The following MYO1E variants were observed in gnomAD, a reference collection of about 807,000 sequenced individuals.
The protein encoded by MYO1E is unconventional myosin-Ie.
Under a neutral mutation model 151.1 loss-of-function variants are expected in MYO1E, and 68 were observed. The ratio of observed to expected loss-of-function variants is 0.45; its 90% CI spans 0.37 to 0.55. MYO1E has a LOEUF of 0.55. Ranked by LOEUF, MYO1E falls within the 20% of genes least tolerant of loss-of-function variation. MYO1E has a pLI of 0.00. For missense variants in MYO1E, 1,363 were observed against 1,389.3 expected, an observed-to-expected ratio of 0.98 and a Z score of 0.30; for synonymous variants, 601 against 501.7, an observed-to-expected ratio of 1.20 and a Z score of -2.64.
intron 1 of MYO1E, among the ~76,000 whole-genome samples, chr15:59,283,303 G>A (rs1310121158): frequency 6.6e-6 from 1 of 152,084 alleles, no homozygotes; most frequent in Non-Finnish European, 1.5e-5. Context: ...CACAGTGTGT[G>A]TGTGAGGTGG....
At position 59,273,075 on chromosome 15, in the gene MYO1E, C is replaced by T. The variant is rs146231413; in HGVS notation, c.4-626G>A. 5.9e-5 allele frequency among the ~76,000 whole-genome samples: 9 copies of T among 152,334 alleles called. No homozygotes were observed. In the South Asian group the frequency reaches 1.2e-3, roughly 21 times the overall value. ...CAAAAGATAGGCTACATTTTTATGA[C>T]TGATCACTGCTCCAATAACGAGGAT... On this transcript the variant is annotated intron_variant, in intron 1 of 27. Coordinates refer to ENST00000288235, the MANE Select transcript of MYO1E (RefSeq NM_004998.4).
At chr15:59,141,549 A>G (rs2140299945) in intron 26 of MYO1E, among the ~76,000 whole-genome samples, 1 of 152,284 alleles carries the variant, frequency 6.6e-6, no homozygotes, top group South Asian at 2.1e-4. Context: ...CTATAATCCC[A>G]GCACCTTGGG....
chr15:59,264,374 G>C (rs909852704), intron 2 of MYO1E, among the ~76,000 whole-genome samples: 1 of 152,188 alleles, frequency 6.6e-6, no homozygotes, highest in Non-Finnish European at 1.5e-5. Flanking sequence ...TCAAAAGCTA[G>C]AATGTCTAAG....
intron 17 of MYO1E, among the ~76,000 whole-genome samples, chr15:59,193,946 G>A (rs568029125): frequency 1.2e-4 from 19 of 152,180 alleles, no homozygotes; most frequent in Non-Finnish European, 2.4e-4. Flanking sequence ...GGAGGCCGAG[G>A]CAGTTGGATC....
At chr15:59,343,249 T>C (rs1372477901) in intron 1 of MYO1E, among the ~76,000 whole-genome samples, 16 of 152,114 alleles carry the variant, frequency 1.1e-4, no homozygotes. Flanking sequence ...AATTTTTCCT[T>C]CATGTTTGGA....
At chr15:59,195,596 T>C in intron 16 of MYO1E, 29 bp from the exon 17 acceptor site, 3 of 1,584,726 alleles carry the variant, frequency 1.9e-6, no homozygotes, top group Non-Finnish European at 2.6e-6. Context: ...ATCAGAATCA[T>C]GGAACTTTCT....
intron 17 of MYO1E, among the ~76,000 whole-genome samples, chr15:59,193,905 G>T (rs923140819): frequency 2.0e-5 from 3 of 152,070 alleles, no homozygotes; most frequent in Admixed American, 6.6e-5. Flanking sequence ...GGTCAGGGGT[G>T]GTGGCTCACA....
chr15:59,236,400 ACAC>A (rs2080066128), intron 5 of MYO1E, among the ~76,000 whole-genome samples, 182 bp downstream of exon 5: 5 of 151,008 alleles, frequency 3.3e-5, no homozygotes, highest in African/African-American at 1.2e-4. Flanking sequence ...ACACACACAC[ACAC>A]ACACACACAC....
At chr15:59,317,490 G>C (rs1012356843) in intron 1 of MYO1E, among the ~76,000 whole-genome samples, 2 of 151,212 alleles carry the variant, frequency 1.3e-5, no homozygotes, top group African/African-American at 4.9e-5. Flanking sequence ...GCAGCAACAA[G>C]AGACCTCCAT....
At chr15:59,283,439 T>TAAG (rs1256388179) in intron 1 of MYO1E, among the ~76,000 whole-genome samples, 2 of 152,126 alleles carry the variant, frequency 1.3e-5, no homozygotes, top group African/African-American at 4.8e-5. Flanking sequence ...ATCATCTTGC[T>TAAG]AAGAAGCCTG....
chr15:59,147,811 G>A (rs2079451066), intron 26 of MYO1E, among the ~76,000 whole-genome samples: 1 of 151,940 alleles, frequency 6.6e-6, no homozygotes, highest in African/African-American at 2.4e-5. Context: ...TGTGTGTTGG[G>A]GGCGGGCGTC....
intron 1 of MYO1E, among the ~76,000 whole-genome samples, chr15:59,352,435 A>G (rs2080828340): frequency 6.6e-6 from 1 of 152,264 alleles, no homozygotes; most frequent in African/African-American, 2.4e-5. Flanking sequence ...GAAGTTCTGC[A>G]TTTCTAATAA....
chr15:59,342,438 C>T (rs1403226518), intron 1 of MYO1E, among the ~76,000 whole-genome samples: 1 of 152,084 alleles, frequency 6.6e-6, no homozygotes, highest in African/African-American at 2.4e-5. Context: ...TGGAGTCTTC[C>T]CAATGTTTTC....
At chr15:59,246,793 G>C (rs1050012673) in intron 4 of MYO1E, among the ~76,000 whole-genome samples, 1 of 152,202 alleles carries the variant, frequency 6.6e-6, no homozygotes, top group African/African-American at 2.4e-5. Context: ...AACTGCCCAG[G>C]TATGGCCATT....
intron 1 of MYO1E, among the ~76,000 whole-genome samples, chr15:59,320,433 T>C (rs1412000582): frequency 2.0e-5 from 3 of 152,054 alleles, no homozygotes; most frequent in Non-Finnish European, 4.4e-5. Flanking sequence ...AGTATAAGGG[T>C]ACAATAACCA....
In MYO1E at chr15:59,285,875, G is replaced by C. The variant is rs146975947; in HGVS notation, c.4-13426C>G. On this transcript the variant is annotated intron_variant, in intron 1 of 27. Coordinates refer to ENST00000288235, the MANE Select transcript of MYO1E (RefSeq NM_004998.4). Reference sequence around the variant, plus strand: ...TGCCATTAATGGCACCGGCCTAATAGATTCATAAGTCAAAAATCCTACCAG... The same window carrying C: ...TGCCATTAATGGCACCGGCCTAATACATTCATAAGTCAAAAATCCTACCAG... Among the ~76,000 whole-genome samples the C allele has an allele frequency of 5.8e-3, 886 of 152,302 alleles. 7 individuals are homozygous for C. The highest frequency in any genetic ancestry group is 0.021 in the African/African-American group (856 of 41,574).
In MYO1E at chr15:59,194,638, G is replaced by C. The variant is rs188394759; in HGVS notation, c.1805+823C>G. Among the ~76,000 whole-genome samples, 29 of 152,310 alleles carry C rather than the reference G, an allele frequency of 1.9e-4. No individual in the cohort carries two copies. The South Asian group carries it at 3.7e-3, about 20-fold the overall frequency. On this transcript the variant is annotated intron_variant, in intron 17 of 27. Transcript: ENST00000288235. ...GCTCCCATCCTGGGACTGATACTAG[G>C]TGACGATGGCTAGGGTCCTCTCTGT...
chr15:59,190,380 G>A (rs1342868535), intron 17 of MYO1E, among the ~76,000 whole-genome samples: 1 of 152,192 alleles, frequency 6.6e-6, no homozygotes, highest in Non-Finnish European at 1.5e-5. Flanking sequence ...GAGCTGAAAA[G>A]ACAATCAGAA....
intron 1 of MYO1E, among the ~76,000 whole-genome samples, chr15:59,274,603 T>C (rs2080307374): frequency 1.3e-5 from 2 of 152,178 alleles, no homozygotes; most frequent in African/African-American, 4.8e-5. Context: ...TGTTAATAAG[T>C]ACTTATTCAA....
Sources: gnomAD v4.1 joint callset for allele counts (sites outside exome capture counted in the v4.1 genomes callset) on GRCh38, gnomAD v4.1.1 for gene constraint, MANE v1.5 for transcripts, NCBI Gene and HGNC (gene_info 2026-07-23, HGNC 2026-07-21) for gene names.